PRKDC: variants seen among roughly 807,000 people sequenced by gnomAD.
PRKDC encodes the protein protein kinase, DNA-activated, catalytic subunit.
A neutral mutation model predicts 486.9 loss-of-function variants in PRKDC; 82 were observed. That is an observed-to-expected ratio of 0.17 (90% CI 0.14 to 0.20). PRKDC has a LOEUF of 0.20. PRKDC is among the 10% of genes least tolerant of loss of function. The probability of loss-of-function intolerance (pLI) is 1.00; values close to 1 mark genes in which losing one functional copy is unlikely to be tolerated. For missense variants in PRKDC, 4,504 were observed against 5,038.2 expected (o/e 0.89, Z 3.21); for synonymous variants, 1,895 against 1,837.0 (o/e 1.03, Z -0.81).
chr8:47,944,496 A>AC (rs1301813470), intron 7 of PRKDC, among the ~76,000 whole-genome samples: 2 of 151,864 alleles, frequency 1.3e-5, no homozygotes, highest in South Asian at 2.1e-4. Context: ...AAAAAAAAAA[A>AC]AAAACAGAAA....
At chr8:47,863,268 T>C (rs1030445507) in intron 42 of PRKDC, 131 bp downstream of exon 42, 19 of 735,206 alleles carry the variant, frequency 2.6e-5, no homozygotes, top group Middle Eastern at 4.0e-4. Flanking sequence ...ACCTAAGTGG[T>C]TTATAAGAAG....
chr8:47,923,325 A>C (rs2090104063), intron 21 of PRKDC, among the ~76,000 whole-genome samples: 1 of 152,200 alleles, frequency 6.6e-6, no homozygotes, highest in Non-Finnish European at 1.5e-5. Flanking sequence ...TTATGGGATT[A>C]CAGGCGTGAG....
Position 47,794,341 on chromosome 8 carries a change from T to A in PRKDC, c.10619A>T (p.Tyr3540Phe). The A allele has an allele frequency of 6.2e-7, 1 of 1,613,730 alleles. No individual in the cohort carries two copies. The highest frequency in any genetic ancestry group is 8.5e-7 in the Non-Finnish European group (1 of 1,179,778). The change falls in exon 74 of 86, where the codon TAT becomes TTT. Residue 3540 changes from tyrosine to phenylalanine, a missense_variant. Transcript: ENST00000314191. The part of the protein sequence containing the change: ...VYPFIISSES[Y>F]SFKDTSTGHK... ...ACCAGTAGAAGTATCCTTGAAGGAA[T>A]AGCTTTCGCTGCTTATGATGAAGGG...
At position 47,914,020 on chromosome 8, in the gene PRKDC, T is replaced by C. The variant is rs371388640; in HGVS notation, c.2662A>G (p.Arg888Gly). ...EMMKSYVAWD[R>G]EKRLSFAVPF... is the part of the protein sequence containing the mutation. ...ACTGCAAAGCTCAGCCGCTTCTCTC[T>C]GTCCCAGGCCACATAGCTCTTCATC... Residue 888 changes from arginine to glycine, a missense_variant, in exon 24 of 86, where the codon AGA (arginine) becomes GGA (glycine). Around this residue, in one of 6 missense-constraint regions of PRKDC, gnomAD observed 1,969 missense variants for 2,068.9 expected, o/e 0.95. Coordinates refer to ENST00000314191, the MANE Select transcript of PRKDC (RefSeq NM_006904.7). 27 of 1,595,946 alleles carry C rather than the reference T, an allele frequency of 1.7e-5. No homozygotes were observed. The highest frequency in any genetic ancestry group is 2.0e-5 in the Non-Finnish European group (23 of 1,171,356).
At chr8:47,919,718 TAGTGG>T in intron 21 of PRKDC, among the ~76,000 whole-genome samples, 1 of 150,506 alleles carries the variant, frequency 6.6e-6, no homozygotes, top group African/African-American at 2.5e-5. Flanking sequence ...ATCCAGTTTT[TAGTGG>T]TTTTTTTTTT....
chr8:47,851,121 T>C (rs184955915), intron 52 of PRKDC, among the ~76,000 whole-genome samples: 9 of 152,350 alleles, frequency 5.9e-5, no homozygotes, highest in African/African-American at 2.2e-4. Flanking sequence ...CTTACCAACT[T>C]CTTTATGTTT....
At chr8:47,881,174 C>T (rs1470817189) in intron 38 of PRKDC, among the ~76,000 whole-genome samples, 1 of 152,068 alleles carries the variant, frequency 6.6e-6, no homozygotes, top group Non-Finnish European at 1.5e-5. Context: ...TCAGATAACA[C>T]ACCCGGCCTG....
chr8:47,932,985 A>G (rs1482278004), intron 16 of PRKDC, 35 bp downstream of exon 16: 1 of 1,530,940 alleles, frequency 6.5e-7, no homozygotes, highest in Non-Finnish European at 8.8e-7. Flanking sequence ...TGATACAAAA[A>G]TGATGAAAAA....
intron 41 of PRKDC, 129 bp downstream of exon 41, chr8:47,864,427 T>G (rs1589751569): frequency 1.3e-6 from 1 of 786,278 alleles, no homozygotes; most frequent in East Asian, 2.8e-5. Flanking sequence ...AGATCCCATG[T>G]AGCCACAGAC....
chr8:47,910,184 G>A (rs1015525593), intron 25 of PRKDC, among the ~76,000 whole-genome samples: 1 of 152,056 alleles, frequency 6.6e-6, no homozygotes, highest in Non-Finnish European at 1.5e-5. Flanking sequence ...AATACTGGGG[G>A]CTGGTTCCCC....
At chr8:47,904,478 T>G (rs988142742) in intron 26 of PRKDC, among the ~76,000 whole-genome samples, 11 of 152,238 alleles carry the variant, frequency 7.2e-5, no homozygotes, top group African/African-American at 2.7e-4. Context: ...GGTTTCCAAC[T>G]CCTGGGCTCA....
chr8:47,933,225 G>T, intron 15 of PRKDC, 53 bp from the exon 16 acceptor site: 1 of 1,365,490 alleles, frequency 7.3e-7, no homozygotes, highest in Non-Finnish European at 9.8e-7. Context: ...AAATGTATTA[G>T]TATTTTATAA....
chr8:47,874,578 C>T (rs981790220), intron 40 of PRKDC, among the ~76,000 whole-genome samples: 1 of 151,992 alleles, frequency 6.6e-6, no homozygotes, highest in African/African-American at 2.4e-5. Flanking sequence ...GGCAACACGG[C>T]GAAACCCTGT....
chr8:47,841,392 T>C (rs967652581), intron 54 of PRKDC, among the ~76,000 whole-genome samples: 1 of 132,332 alleles, frequency 7.6e-6, no homozygotes, highest in Non-Finnish European at 1.7e-5. Flanking sequence ...GGGGAGAGGC[T>C]GATCTACACG....
intron 51 of PRKDC, among the ~76,000 whole-genome samples, chr8:47,853,264 C>T (rs1183733300): frequency 6.6e-6 from 1 of 152,220 alleles, no homozygotes; most frequent in Non-Finnish European, 1.5e-5. Context: ...AAGCCAAAGC[C>T]CCAGCCAGTG....
At chr8:47,862,294 T>G in intron 43 of PRKDC, 79 bp downstream of exon 43, 1 of 1,460,700 alleles carries the variant, frequency 6.8e-7, no homozygotes, top group South Asian at 1.3e-5. Context: ...ATGGTATAAA[T>G]TATCTGTAAG....
intron 56 of PRKDC, among the ~76,000 whole-genome samples, chr8:47,838,704 C>T (rs2088079506): frequency 6.6e-6 from 1 of 152,190 alleles, no homozygotes; most frequent in African/African-American, 2.4e-5. Context: ...TCAGGACAGG[C>T]ATTTTAGAGG....
At chr8:47,843,666 TGA>T (rs1292611798) in intron 54 of PRKDC, among the ~76,000 whole-genome samples, 1 of 152,194 alleles carries the variant, frequency 6.6e-6, no homozygotes, top group East Asian at 1.9e-4. Flanking sequence ...GCTCACATAC[TGA>T]GAGAACCCCA....
chr8:47,891,018 T>C (rs539791798), intron 31 of PRKDC, among the ~76,000 whole-genome samples: 6 of 152,316 alleles, frequency 3.9e-5, no homozygotes, highest in African/African-American at 1.2e-4. Flanking sequence ...AGTCATCTTA[T>C]GGAATCAACT....
Sources: allele counts gnomAD v4.1 joint callset (sites outside exome capture counted in the v4.1 genomes callset), GRCh38; gene constraint gnomAD v4.1.1; regional missense constraint gnomAD v4.1.1; transcripts MANE v1.5; gene names NCBI Gene and HGNC (gene_info 2026-07-23, HGNC 2026-07-21).